The following MCMDC2 variants were observed in gnomAD, a reference collection of about 807,000 sequenced individuals.
MCMDC2 encodes minichromosome maintenance domain containing 2.
MCMDC2 carries 54 observed loss-of-function variants against 75.8 expected under a neutral mutation model. The ratio of observed to expected loss-of-function variants is 0.71; its 90% CI spans 0.57 to 0.89. MCMDC2 has a LOEUF of 0.89. Ranked by LOEUF, MCMDC2 falls within the 40% of genes least tolerant of loss-of-function variation. The pLI is 0.00. For synonymous variants in MCMDC2, 249 were observed against 274.6 expected (o/e 0.91, Z 0.92); for missense variants, 656 against 780.4 (o/e 0.84, Z 1.90).
chr8:66,899,397 T>A (rs1469551960), intron 12 of MCMDC2, among the ~76,000 whole-genome samples: 1 of 152,166 alleles, frequency 6.6e-6, no homozygotes, highest in Non-Finnish European at 1.5e-5. Context: ...ATTAATAGTA[T>A]ATCCAGTTCT....
intron 8 of MCMDC2, among the ~76,000 whole-genome samples, chr8:66,881,944 C>G (rs1811589456): frequency 6.6e-6 from 1 of 152,102 alleles, no homozygotes; most frequent in African/African-American, 2.4e-5. Context: ...TCCGTATGTT[C>G]CCTGAATGGG....
At chr8:66,912,518 T>G (rs1813156347) in intron 14 of MCMDC2, among the ~76,000 whole-genome samples, 1 of 152,114 alleles carries the variant, frequency 6.6e-6, no homozygotes, top group Admixed American at 6.6e-5. Context: ...GTAAATATGC[T>G]ATCAAACAAC....
chr8:66,893,234 C>T (rs1233184468), intron 10 of MCMDC2, among the ~76,000 whole-genome samples: 1 of 152,108 alleles, frequency 6.6e-6, no homozygotes, highest in African/African-American at 2.4e-5. Flanking sequence ...ATTAGCTGGG[C>T]CCAGTGGCTC....
chr8:66,880,943 A>C lies in MCMDC2; in HGVS notation c.804A>C (p.Glu268Asp), dbSNP rs1215811420. 2 of 1,539,610 alleles carry C rather than the reference A, an allele frequency of 1.3e-6. No homozygotes were observed. The highest frequency in any genetic ancestry group is 1.7e-6 in the Non-Finnish European group (2 of 1,146,602). ...VKTSQTAVCI[E>D]ANSITFCNSK... ...CCTCACAAACTGCTGTCTGTATAGA[A>C]GCAAATAGCATAACTTTTTGTAATT... is the stretch of plus-strand genomic sequence containing the variant. The change falls in exon 8 of 15, where the codon GAA becomes GAC. Residue 268 changes from glutamate to aspartate, a missense_variant. By Grantham distance (45) the Glu-to-Asp change is conservative. Transcript: ENST00000422365.
rs1372682160 is a variant in MCMDC2, at chr8:66,901,264, C to T, written c.1685C>T (p.Thr562Ile). 2.9e-5 allele frequency: 47 copies of T among 1,613,886 alleles called. No homozygotes were observed. The highest frequency in any genetic ancestry group is 3.9e-5 in the Non-Finnish European group (46 of 1,179,978). The change falls in exon 13 of 15, where the codon ACC becomes ATC. Residue 562 changes from threonine (T) to isoleucine (I), a missense_variant. Transcript: ENST00000422365. ...TTCAGCTTGGAAGCAGAAAGAATGA[C>T]CCATGGCTATTATCTAGCAAGTCGC... ...VEFSLEAERM[T>I]HGYYLASRRI... is the part of the protein sequence containing the mutation.
At chr8:66,882,014 A>G (rs1259515504) in intron 8 of MCMDC2, among the ~76,000 whole-genome samples, 1 of 152,252 alleles carries the variant, frequency 6.6e-6, no homozygotes, top group East Asian at 1.9e-4. Flanking sequence ...AAGGAGGCAG[A>G]CAAGTCCAGT....
chr8:66,902,395 T>TAA (rs879876834), intron 13 of MCMDC2, among the ~76,000 whole-genome samples: 1 of 131,680 alleles, frequency 7.6e-6, no homozygotes, highest in Non-Finnish European at 1.6e-5. Flanking sequence ...CTTCTCAATT[T>TAA]AAAAAAAAAA....
chr8:66,915,892 G>A (rs1813297158), intron 14 of MCMDC2, among the ~76,000 whole-genome samples: 1 of 149,822 alleles, frequency 6.7e-6, no homozygotes, highest in African/African-American at 2.5e-5. Context: ...ATCAAGTGTT[G>A]TGTGATTTTC....
intron 14 of MCMDC2, 176 bp downstream of exon 14, chr8:66,905,511 G>A (rs2130855738): frequency 2.1e-6 from 1 of 484,920 alleles, no homozygotes; most frequent in Non-Finnish European, 3.2e-6. Context: ...TTTCTGGGTA[G>A]TATCATCATC....
At chr8:66,898,503 A>T (rs956779438) in intron 12 of MCMDC2, among the ~76,000 whole-genome samples, 2 of 151,934 alleles carry the variant, frequency 1.3e-5, no homozygotes, top group African/African-American at 4.8e-5. Flanking sequence ...GCATGCCTGT[A>T]ATCCCAGCTA....
rs374103762 is a variant in MCMDC2, at chr8:66,882,774, G to A, written c.836-983G>A. Among the ~76,000 whole-genome samples the A allele has an allele frequency of 5.8e-4, 89 of 152,252 alleles. No homozygotes were observed. The South Asian group carries it at 0.017, about 29-fold the overall frequency. On this transcript the variant is annotated intron_variant, in intron 8 of 14. Transcript: ENST00000422365. ...CTAAATACTTCTACTTACTTGAAGA[G>A]AAAAGCTTCTTAAAAAAACAAAAAT...
At chr8:66,898,826 T>C (rs1283456850) in intron 12 of MCMDC2, among the ~76,000 whole-genome samples, 2 of 152,122 alleles carry the variant, frequency 1.3e-5, no homozygotes, top group Non-Finnish European at 2.9e-5. Flanking sequence ...AAAGGATGGG[T>C]GTTCCAAGTA....
chr8:66,898,290 T>C (rs548360177), intron 12 of MCMDC2, among the ~76,000 whole-genome samples: 1 of 152,244 alleles, frequency 6.6e-6, no homozygotes, highest in African/African-American at 2.4e-5. Context: ...TTCTCATAGA[T>C]ATATAAACTT....
At chr8:66,911,299 C>A (rs1047964550) in intron 14 of MCMDC2, among the ~76,000 whole-genome samples, 1 of 152,142 alleles carries the variant, frequency 6.6e-6, no homozygotes, top group Non-Finnish European at 1.5e-5. Context: ...ATAAGGGGCT[C>A]TTTCCCCTTC....
rs1372467092 is a variant in MCMDC2, at chr8:66,877,387, G to A, written c.324G>A (p.Leu108=). Residue 108 remains leucine, a synonymous_variant, in exon 5 of 15, where the codon CTG becomes CTA. Coordinates refer to ENST00000422365, the MANE Select transcript of MCMDC2 (RefSeq NM_173518.5). ...IVLKLTHLPP[L]PSYGLDLCEF... is the part of the protein sequence containing the mutation. ...TGAAATTAACACATTTACCTCCCCTGCCAAGTTATGGTCTTGATCTTTGTG... is the reference window on the plus strand; with the variant it reads ...TGAAATTAACACATTTACCTCCCCTACCAAGTTATGGTCTTGATCTTTGTG... The A allele has an allele frequency of 6.2e-7, 1 of 1,611,990 alleles. No homozygotes were observed. Among genetic ancestry groups the A allele is most frequent in the South Asian group, 1.1e-5 (1 of 90,688 alleles).
chr8:66,891,521 T>C (rs1228475300), intron 10 of MCMDC2, among the ~76,000 whole-genome samples: 1 of 152,258 alleles, frequency 6.6e-6, no homozygotes, highest in African/African-American at 2.4e-5. Flanking sequence ...TTTTTTTTAA[T>C]CATAAATGGA....
intron 14 of MCMDC2, among the ~76,000 whole-genome samples, chr8:66,906,336 T>C (rs1402048931): frequency 6.6e-6 from 1 of 152,220 alleles, no homozygotes; most frequent in Non-Finnish European, 1.5e-5. Flanking sequence ...TTACATTTGC[T>C]TTAAATTACA....
rs967814193 is a variant in MCMDC2 at position 66,920,132 on chromosome 8, G to A, written c.*963G>A. 6.6e-6 allele frequency: 1 copy of A among 152,150 alleles called. No individual in the cohort carries two copies. The highest frequency in any genetic ancestry group is 2.4e-5 in the African/African-American group (1 of 41,420). 9.4% of individuals were successfully genotyped at this position (152,150 alleles called of 1,614,324 possible). Reference sequence around the variant, plus strand: ...ACAGAGATGCTTAACTGTACAGCTGGACCTCTCCCACTCTCCACAGGACCC... The same window carrying A: ...ACAGAGATGCTTAACTGTACAGCTGAACCTCTCCCACTCTCCACAGGACCC... On this transcript the variant is annotated 3_prime_UTR_variant, in exon 15 of 15. Coordinates refer to ENST00000422365, the MANE Select transcript of MCMDC2 (RefSeq NM_173518.5).
At chr8:66,907,279 G>A (rs558826752) in intron 14 of MCMDC2, among the ~76,000 whole-genome samples, 7 of 152,078 alleles carry the variant, frequency 4.6e-5, no homozygotes, top group African/African-American at 9.6e-5. Flanking sequence ...CCCTGTGTCC[G>A]TGTGTTCTAA....
Sources: allele counts gnomAD v4.1 joint callset (sites outside exome capture counted in the v4.1 genomes callset), GRCh38; gene constraint gnomAD v4.1.1; transcripts MANE v1.5; gene names NCBI Gene and HGNC (gene_info 2026-07-23, HGNC 2026-07-21).